The following KIAA1549L variants were observed in gnomAD, a reference collection of about 807,000 sequenced individuals.
KIAA1549L encodes KIAA1549 like.
KIAA1549L carries 88 observed loss-of-function variants against 160.7 expected under a neutral mutation model. That is an observed-to-expected ratio of 0.55 (90% confidence interval 0.46 to 0.65). The LOEUF (loss-of-function observed/expected upper bound fraction) is 0.65, where lower values mean the gene tolerates loss of function less well. KIAA1549L is among the 30% of genes least tolerant of loss of function. KIAA1549L has a pLI of 0.00. For synonymous variants in KIAA1549L, 950 were observed against 976.7 expected (o/e 0.97, Z 0.51); for missense variants, 2,258 against 2,437.5 (o/e 0.93, Z 1.55).
intron 9 of KIAA1549L, among the ~76,000 whole-genome samples, chr11:33,574,015 T>C: frequency 6.6e-6 from 1 of 152,296 alleles, no homozygotes; most frequent in African/African-American, 2.4e-5. Context: ...GTATATAGAC[T>C]ATGACAAATA....
chr11:33,602,193 C>A (rs995778982), intron 13 of KIAA1549L, among the ~76,000 whole-genome samples: 1 of 152,088 alleles, frequency 6.6e-6, no homozygotes, highest in Non-Finnish European at 1.5e-5. Context: ...TATTAATAAT[C>A]AAACTTCACC....
chr11:33,511,074 C>G (rs930260679), intron 1 of KIAA1549L, among the ~76,000 whole-genome samples: 2 of 152,180 alleles, frequency 1.3e-5, no homozygotes, highest in Admixed American at 6.5e-5. Context: ...GGCGTCAGTA[C>G]AGCTAGAATG....
intron 1 of KIAA1549L, among the ~76,000 whole-genome samples, chr11:33,453,636 G>A (rs906049431): frequency 1.3e-5 from 2 of 152,158 alleles, no homozygotes; most frequent in African/African-American, 4.8e-5. Flanking sequence ...AGCAAGAGTT[G>A]TCGGGGTGAT....
chr11:33,493,760 G>A (rs1456871802), intron 1 of KIAA1549L, among the ~76,000 whole-genome samples: 6 of 152,188 alleles, frequency 3.9e-5, no homozygotes, highest in African/African-American at 1.4e-4. Flanking sequence ...GGGTAAGGCT[G>A]GTAACCAAGT....
intron 16 of KIAA1549L, among the ~76,000 whole-genome samples, chr11:33,641,815 G>T (rs1407615646): frequency 2.6e-5 from 4 of 151,682 alleles, no homozygotes; most frequent in African/African-American, 9.7e-5. Flanking sequence ...TATGTTTAAA[G>T]TACTTAAAAC....
chr11:33,430,965 T>G (rs149405711), intron 1 of KIAA1549L, among the ~76,000 whole-genome samples: 1,598 of 152,014 alleles, frequency 0.011, 22 homozygotes, highest in African/African-American at 0.037. Flanking sequence ...GCTCTTAAGG[T>G]GGCGCGTCTG....
chr11:33,441,968 T>C (rs1415468642), intron 1 of KIAA1549L, among the ~76,000 whole-genome samples: 1 of 152,196 alleles, frequency 6.6e-6, no homozygotes, highest in East Asian at 1.9e-4. Flanking sequence ...CCATTGCTTT[T>C]GGTGTTTTAG....
intron 16 of KIAA1549L, among the ~76,000 whole-genome samples, chr11:33,630,635 C>T (rs546030741): frequency 3.9e-4 from 60 of 152,346 alleles, no homozygotes; most frequent in Admixed American, 1.6e-3. Flanking sequence ...CGCCCTGCTT[C>T]GGCTCATGCA....
At chr11:33,661,563 A>G (rs1852260554) in intron 20 of KIAA1549L, among the ~76,000 whole-genome samples, 1 of 152,206 alleles carries the variant, frequency 6.6e-6, no homozygotes, top group African/African-American at 2.4e-5. Context: ...TTTAGAAGAA[A>G]TGTCAGAAAA....
chr11:33,413,311 T>G (rs1850820387), intron 1 of KIAA1549L, among the ~76,000 whole-genome samples: 1 of 151,708 alleles, frequency 6.6e-6, no homozygotes, highest in African/African-American at 2.4e-5. Flanking sequence ...TGGTGGCATG[T>G]ACCTACAATC....
chr11:33,435,786 ATATATATATATATATATATATATATG>A (rs1851347753), intron 1 of KIAA1549L, among the ~76,000 whole-genome samples: 3 of 18,958 alleles, frequency 1.6e-4, no homozygotes, highest in African/African-American at 1.5e-3. Flanking sequence ...ATATATATAT[ATATATATATATATATATATATATATG>A]TGTGTGTATA....
chr11:33,635,597 CG>C (rs1851415874), intron 16 of KIAA1549L, among the ~76,000 whole-genome samples: 1 of 152,174 alleles, frequency 6.6e-6, no homozygotes, highest in Admixed American at 6.5e-5. Context: ...CTGTTCACTT[CG>C]GGGCGCCTAA....
At chr11:33,469,492 A>G (rs898987590) in intron 1 of KIAA1549L, among the ~76,000 whole-genome samples, 11 of 152,310 alleles carry the variant, frequency 7.2e-5, no homozygotes, top group African/African-American at 2.2e-4. Context: ...GTTCATGTAC[A>G]AATTCTTGTG....
intron 20 of KIAA1549L, among the ~76,000 whole-genome samples, chr11:33,664,100 T>C (rs1422361663): frequency 1.3e-5 from 2 of 152,132 alleles, no homozygotes; most frequent in East Asian, 1.9e-4. Flanking sequence ...TATCAGTGCT[T>C]GTATATAAAG....
intron 4 of KIAA1549L, among the ~76,000 whole-genome samples, chr11:33,548,402 AACAC>A (rs1292879385): frequency 5.9e-5 from 9 of 152,156 alleles, no homozygotes; most frequent in Admixed American, 2.0e-4. Flanking sequence ...CTGCCTCAAA[AACAC>A]ACACACAAAC....
rs971558606 is a variant in KIAA1549L, at chr11:33,645,869, G to C, written c.5593G>C (p.Gly1865Arg). The C allele has an allele frequency of 2.0e-5, 32 of 1,613,718 alleles. No individual in the cohort carries two copies. The highest frequency in any genetic ancestry group is 2.5e-5 in the Non-Finnish European group (29 of 1,179,864). The change falls in exon 17 of 21, where the codon GGC becomes CGC. Residue 1865 changes from glycine to arginine, a missense_variant. This residue lies in a region of KIAA1549L where 1,359 missense variants were observed against 1,546.6 expected (regional missense o/e 0.88). Coordinates refer to ENST00000658780, the MANE Select transcript of KIAA1549L (RefSeq NM_012194.3). ...LEEAFSLASA[G>R]HAGQSRHQEA... is the part of the protein sequence containing the mutation. ...GGAGGCCTTCAGCCTGGCATCCGCG[G>C]GCCACGCAGGCCAGAGCCGGCACCA...
At chr11:33,658,514 G>A (rs149967434) in intron 18 of KIAA1549L, among the ~76,000 whole-genome samples, 4 of 152,274 alleles carry the variant, frequency 2.6e-5, no homozygotes, top group Non-Finnish European at 2.9e-5. Flanking sequence ...GACCTTGAAC[G>A]TCTAAAAATG....
At chr11:33,384,707 TA>T (rs1850138186) in intron 1 of KIAA1549L, among the ~76,000 whole-genome samples, 1 of 152,180 alleles carries the variant, frequency 6.6e-6, no homozygotes, top group African/African-American at 2.4e-5. Context: ...TAATCACTAA[TA>T]ATTTTATTGT....
intron 1 of KIAA1549L, among the ~76,000 whole-genome samples, chr11:33,498,340 T>C (rs2133081655): frequency 6.6e-6 from 1 of 152,282 alleles, no homozygotes; most frequent in East Asian, 1.9e-4. Context: ...TTTTCAGTGG[T>C]GGTTCCTGCT....
Sources: gnomAD v4.1 joint callset for allele counts (sites outside exome capture counted in the v4.1 genomes callset) on GRCh38, gnomAD v4.1.1 for gene constraint, gnomAD v4.1.1 regional missense constraint, MANE v1.5 for transcripts, NCBI Gene and HGNC (gene_info 2026-07-23, HGNC 2026-07-21) for gene names.